CNTN5: variants seen among roughly 807,000 people sequenced by gnomAD.
The protein encoded by CNTN5 is contactin-5.
CNTN5 carries 77 observed loss-of-function variants against 129.1 expected under a neutral mutation model. That is an observed-to-expected ratio of 0.60 (90% CI 0.50 to 0.72). The LOEUF is 0.72. CNTN5 is among the 30% of genes least tolerant of loss of function. CNTN5 has a pLI of 0.00. For synonymous variants in CNTN5, 509 were observed against 465.6 expected (o/e 1.09, Z -1.20); for missense variants, 1,478 against 1,328.8 (o/e 1.11, Z -1.75).
intron 3 of CNTN5, among the ~76,000 whole-genome samples, chr11:99,726,940 A>G (rs1943360758): frequency 6.6e-6 from 1 of 152,160 alleles, no homozygotes. Flanking sequence ...AAATTTACAT[A>G]AAAGATAATA....
At chr11:99,814,708 G>C (rs1946528881) in intron 3 of CNTN5, among the ~76,000 whole-genome samples, 1 of 152,082 alleles carries the variant, frequency 6.6e-6, no homozygotes, top group South Asian at 2.1e-4. Flanking sequence ...GAAAGAGAGT[G>C]AAAGAGTGTT....
In CNTN5 at chr11:99,993,741, TG is replaced by T. The variant is rs1939272559; in HGVS notation, c.878-8289del. ...ACTGCAGGTCTGTGGCCTGGAGGGG[TG>T]GGGAACCCTGAGCTAGGCTCAACTT... On this transcript the variant is annotated intron_variant, in intron 8 of 24. Transcript: ENST00000524871. Among the ~76,000 whole-genome samples the T allele has an allele frequency of 2.0e-5, 3 of 152,092 alleles. No individual in the cohort carries two copies. In the South Asian group the frequency reaches 6.2e-4, roughly 32 times the overall value.
chr11:99,277,287 C>A lies in CNTN5; in HGVS notation c.-209-48059C>A, dbSNP rs888089674. 1.1e-4 allele frequency among the ~76,000 whole-genome samples: 17 copies of A among 151,738 alleles called. No homozygotes were observed. In the South Asian group the frequency reaches 3.3e-3, roughly 30 times the overall value. Reference sequence around the variant, plus strand: ...CTGTCATCACTGTTTACATCATTAGCCTCTTTATGTACTGCTCCCCAGCAG... The same window carrying A: ...CTGTCATCACTGTTTACATCATTAGACTCTTTATGTACTGCTCCCCAGCAG... On this transcript the variant is annotated intron_variant, in intron 1 of 24. Transcript: ENST00000524871.
Position 99,575,232 on chromosome 11 carries a change from C to A in CNTN5, c.55+18963C>A, listed in dbSNP as rs181971654. Among the ~76,000 whole-genome samples, 701 of 152,008 alleles carry A rather than the reference C, an allele frequency of 4.6e-3. 5 individuals are homozygous for A. The highest frequency in any genetic ancestry group is 0.016 in the African/African-American group (668 of 41,454). ...TTACTAAAATATGTAAAATAGAATC[C>A]CCCTTAAATATTCAGAAAATTTGAT... On this transcript the variant is annotated intron_variant, in intron 3 of 24. Transcript: ENST00000524871.
At chr11:99,991,291 C>A (rs537908160) in intron 8 of CNTN5, among the ~76,000 whole-genome samples, 3 of 152,102 alleles carry the variant, frequency 2.0e-5, no homozygotes, top group East Asian at 3.9e-4. Context: ...CACGGTGAAA[C>A]CCCGTCTCTA....
chr11:99,148,100 T>G (rs952880171), intron 1 of CNTN5, among the ~76,000 whole-genome samples: 11 of 152,106 alleles, frequency 7.2e-5, no homozygotes, highest in African/African-American at 2.4e-4. Flanking sequence ...TTAAAAAGTA[T>G]GTAGTCTTTT....
intron 1 of CNTN5, among the ~76,000 whole-genome samples, chr11:99,208,079 A>T (rs1377720622): frequency 5.9e-5 from 9 of 152,222 alleles, no homozygotes; most frequent in African/African-American, 2.2e-4. Context: ...AGAATGTTGA[A>T]TGGCAAATTG....
chr11:99,460,195 G>T (rs1395148829), intron 2 of CNTN5, among the ~76,000 whole-genome samples: 2 of 151,236 alleles, frequency 1.3e-5, no homozygotes, highest in African/African-American at 2.4e-5. Context: ...TAAAGCAATA[G>T]AAATTATTTA....
At chr11:99,809,949 A>G (rs1024398606) in intron 3 of CNTN5, among the ~76,000 whole-genome samples, 3 of 152,132 alleles carry the variant, frequency 2.0e-5, no homozygotes, top group Non-Finnish European at 2.9e-5. Context: ...TAATTTGGTT[A>G]TATTTCTCAA....
intron 3 of CNTN5, among the ~76,000 whole-genome samples, chr11:99,816,831 G>C (rs1397829461): frequency 2.0e-5 from 3 of 152,006 alleles, no homozygotes; most frequent in Non-Finnish European, 2.9e-5. Context: ...ATAATACCCT[G>C]CGCTCCTATT....
intron 6 of CNTN5, among the ~76,000 whole-genome samples, chr11:99,910,418 T>A (rs1436742828): frequency 3.3e-5 from 5 of 152,204 alleles, no homozygotes. Flanking sequence ...TATTAGAGAA[T>A]GCTAATTTAA....
intron 16 of CNTN5, among the ~76,000 whole-genome samples, chr11:100,227,637 A>G (rs1347126884): frequency 1.3e-5 from 2 of 152,214 alleles, no homozygotes; most frequent in Non-Finnish European, 2.9e-5. Flanking sequence ...GCATTATCAC[A>G]GCACCATGCA....
At chr11:99,803,800 C>T (rs75284014) in intron 3 of CNTN5, among the ~76,000 whole-genome samples, 5,141 of 152,250 alleles carry the variant, frequency 0.034, 131 homozygotes, top group South Asian at 0.097. Flanking sequence ...TTATGAGCTA[C>T]GTCCCGTTAC....
chr11:100,227,831 G>A (rs887240884), intron 16 of CNTN5, among the ~76,000 whole-genome samples: 6 of 152,102 alleles, frequency 3.9e-5, no homozygotes, highest in Admixed American at 2.0e-4. Flanking sequence ...AGTAGAACTC[G>A]ATCATGCTAT....
intron 13 of CNTN5, among the ~76,000 whole-genome samples, chr11:100,177,966 G>C (rs996131262): frequency 6.6e-6 from 1 of 152,054 alleles, no homozygotes; most frequent in South Asian, 2.1e-4. Flanking sequence ...AACCTGCCAG[G>C]GTTCTCATTT....
At chr11:99,413,234 A>G (rs981373176) in intron 2 of CNTN5, among the ~76,000 whole-genome samples, 26 of 152,226 alleles carry the variant, frequency 1.7e-4, no homozygotes, top group Non-Finnish European at 3.5e-4. Flanking sequence ...AAGATTAACT[A>G]GAACAGGCAA....
At chr11:99,408,571 G>GCGTCCTCCTGCCT (rs1359066514) in intron 2 of CNTN5, among the ~76,000 whole-genome samples, 1 of 151,852 alleles carries the variant, frequency 6.6e-6, no homozygotes, top group Non-Finnish European at 1.5e-5. Flanking sequence ...TGACCGCAAG[G>GCGTCCTCCTGCCT]CATCCTCCTG....
At chr11:99,082,168 C>T (rs1865829063) in intron 1 of CNTN5, among the ~76,000 whole-genome samples, 1 of 151,208 alleles carries the variant, frequency 6.6e-6, no homozygotes, top group South Asian at 2.1e-4. Flanking sequence ...ATCATTGTAA[C>T]CGCCAGTGTT....
chr11:99,925,780 G>C (rs937803131), intron 7 of CNTN5, among the ~76,000 whole-genome samples: 9 of 151,900 alleles, frequency 5.9e-5, no homozygotes, highest in African/African-American at 2.2e-4. Flanking sequence ...CAGGCAGACA[G>C]GTTCACCATT....
Sources: allele counts gnomAD v4.1 joint callset (sites outside exome capture counted in the v4.1 genomes callset), GRCh38; gene constraint gnomAD v4.1.1; transcripts MANE v1.5; gene names NCBI Gene and HGNC (gene_info 2026-07-23, HGNC 2026-07-21).